The following SEMA5A variants were observed in gnomAD, a reference collection of about 807,000 sequenced individuals.
SEMA5A encodes the protein semaphorin 5A.
A neutral mutation model predicts 135.5 loss-of-function variants in SEMA5A; 55 were observed. The observed-to-expected ratio is 0.41, with a 90% CI of 0.33 to 0.51. The LOEUF is 0.51. SEMA5A is among the 20% of genes least tolerant of loss of function. The probability of loss-of-function intolerance (pLI) is 0.37; values close to 1 mark genes in which losing one functional copy is unlikely to be tolerated. For synonymous variants in SEMA5A, 580 were observed against 546.5 expected, an observed-to-expected ratio of 1.06 and a Z score of -0.85; for missense variants, 1,290 against 1,419.9, an observed-to-expected ratio of 0.91 and a Z score of 1.47.
chr5:9,200,516 A>T (rs1207101008), intron 9 of SEMA5A, among the ~76,000 whole-genome samples: 2 of 152,220 alleles, frequency 1.3e-5, no homozygotes, highest in Non-Finnish European at 2.9e-5. Flanking sequence ...AAGAAAATCA[A>T]CTTCAGAAAC....
intron 1 of SEMA5A, among the ~76,000 whole-genome samples, chr5:9,528,909 C>A (rs866273430): frequency 1.3e-5 from 2 of 151,990 alleles, no homozygotes; most frequent in Middle Eastern, 6.8e-3. Context: ...CACCTGGGAG[C>A]CACGAGTCTC....
At chr5:9,147,510 T>C (rs1056526649) in intron 12 of SEMA5A, among the ~76,000 whole-genome samples, 1 of 152,148 alleles carries the variant, frequency 6.6e-6, no homozygotes. Flanking sequence ...GACCTCTTGA[T>C]CCACCCGGGT....
intron 20 of SEMA5A, 127 bp downstream of exon 20, chr5:9,051,745 AC>A: frequency 8.7e-7 from 1 of 1,149,474 alleles, no homozygotes; most frequent in Non-Finnish European, 1.2e-6. Context: ...ACACCTTGAA[AC>A]CATGGGGCTT....
At chr5:9,402,463 G>C (rs1256698089) in intron 2 of SEMA5A, among the ~76,000 whole-genome samples, 2 of 152,052 alleles carry the variant, frequency 1.3e-5, no homozygotes, top group African/African-American at 2.4e-5. Flanking sequence ...ACTAATCTTC[G>C]GTAATTCTCT....
At chr5:9,177,443 G>A (rs750263000) in intron 11 of SEMA5A, among the ~76,000 whole-genome samples, 1 of 152,220 alleles carries the variant, frequency 6.6e-6, no homozygotes, top group African/African-American at 2.4e-5. Context: ...ATGAGGGCAG[G>A]TTGTGTTCCT....
At chr5:9,166,308 C>A (rs1743605072) in intron 11 of SEMA5A, among the ~76,000 whole-genome samples, 1 of 151,964 alleles carries the variant, frequency 6.6e-6, no homozygotes, top group Admixed American at 6.6e-5. Context: ...CTCTGGGGCA[C>A]AACAGCCCAG....
intron 2 of SEMA5A, among the ~76,000 whole-genome samples, chr5:9,391,265 A>T (rs934763174): frequency 6.6e-6 from 1 of 152,146 alleles, no homozygotes; most frequent in Non-Finnish European, 1.5e-5. Context: ...AATCCAGCAA[A>T]TGACGCAATG....
At chr5:9,184,347 A>T in intron 11 of SEMA5A, among the ~76,000 whole-genome samples, 1 of 151,980 alleles carries the variant, frequency 6.6e-6, no homozygotes, top group Non-Finnish European at 1.5e-5. Flanking sequence ...ATTCTGAATT[A>T]ATATTGCACA....
intron 2 of SEMA5A, among the ~76,000 whole-genome samples, chr5:9,432,202 G>T (rs1413794023): frequency 6.6e-6 from 1 of 152,182 alleles, no homozygotes; most frequent in Non-Finnish European, 1.5e-5. Flanking sequence ...TGGCCTCACA[G>T]AGATTTTCCA....
intron 3 of SEMA5A, among the ~76,000 whole-genome samples, chr5:9,377,107 GAA>G (rs57379643): frequency 5.6e-5 from 5 of 89,840 alleles, no homozygotes; most frequent in Admixed American, 2.5e-4. Flanking sequence ...TGTAGCTACC[GAA>G]AAAAAAAAAA....
intron 16 of SEMA5A, among the ~76,000 whole-genome samples, chr5:9,104,343 T>TA (rs1335678164): frequency 6.6e-6 from 1 of 152,212 alleles, no homozygotes; most frequent in Non-Finnish European, 1.5e-5. Context: ...TATGATGTAA[T>TA]ACAGGATTTC....
intron 12 of SEMA5A, among the ~76,000 whole-genome samples, chr5:9,153,543 A>G (rs1222483600): frequency 6.6e-6 from 1 of 151,358 alleles, no homozygotes; most frequent in East Asian, 2.0e-4. Context: ...CTCCCTCCCT[A>G]CCCTCTCTGC....
intron 10 of SEMA5A, among the ~76,000 whole-genome samples, chr5:9,192,862 T>C (rs1806124): frequency 0.069 from 10,560 of 152,036 alleles, 452 homozygotes; most frequent in East Asian, 0.17. Flanking sequence ...TTTGTAAGCA[T>C]AGTGTTTAAA....
rs115707192 is a variant in SEMA5A, at chr5:9,343,059, T to C, written c.125-5247A>G. On this transcript the variant is annotated intron_variant, in intron 3 of 22. Transcript: ENST00000382496. ...AAGCAAAATCACTACGCACTCAGTT[T>C]TCAACTATGGACTAGAGAAAAATGA... Among the ~76,000 whole-genome samples the C allele has an allele frequency of 3.8e-3, 574 of 152,340 alleles. 7 individuals carry two copies. The highest frequency in any genetic ancestry group is 0.013 in the African/African-American group (546 of 41,584).
rs1435233096 is a variant in SEMA5A at position 9,039,925 on chromosome 5, T to C, written c.*2972A>G. Reference sequence around the variant, plus strand: ...AAAATCAATAGTAGATGGTGATGAGTCTGGCCTCAAGAAAGGACCCTGAAT... The same window carrying C: ...AAAATCAATAGTAGATGGTGATGAGCCTGGCCTCAAGAAAGGACCCTGAAT... On this transcript the variant is annotated 3_prime_UTR_variant, in exon 23 of 23. Coordinates refer to ENST00000382496, the MANE Select transcript of SEMA5A (RefSeq NM_003966.3). 6.6e-6 allele frequency: 1 copy of C among 152,210 alleles called. No homozygotes were observed. Among genetic ancestry groups the C allele is most frequent in the Non-Finnish European group, 1.5e-5 (1 of 68,058 alleles). The allele number at this position is 152,210 out of a possible 1,614,324, so 9.4% of individuals were successfully genotyped here.
intron 18 of SEMA5A, among the ~76,000 whole-genome samples, 172 bp from the exon 19 acceptor site, chr5:9,054,429 T>A (rs1207599774): frequency 6.6e-6 from 1 of 152,046 alleles, no homozygotes; most frequent in African/African-American, 2.4e-5. Flanking sequence ...TTCTGACCCC[T>A]CGCAGGGCTG....
chr5:9,487,440 G>A (rs536540144), intron 1 of SEMA5A, among the ~76,000 whole-genome samples: 15 of 152,248 alleles, frequency 9.9e-5, no homozygotes, highest in African/African-American at 3.4e-4. Context: ...CATGGGAATC[G>A]GCTCCAGAGA....
chr5:9,389,113 T>C (rs1756034274), intron 2 of SEMA5A, among the ~76,000 whole-genome samples: 1 of 152,164 alleles, frequency 6.6e-6, no homozygotes, highest in South Asian at 2.1e-4. Flanking sequence ...GATATCTCCA[T>C]GGCCTTTGTG....
intron 11 of SEMA5A, among the ~76,000 whole-genome samples, chr5:9,183,047 T>C (rs1744609506): frequency 6.6e-6 from 1 of 152,144 alleles, no homozygotes; most frequent in Admixed American, 6.5e-5. Flanking sequence ...TTGGATCTCT[T>C]ACTGTGGTTG....
Sources: gnomAD v4.1 joint callset for allele counts (sites outside exome capture counted in the v4.1 genomes callset) on GRCh38, gnomAD v4.1.1 for gene constraint, MANE v1.5 for transcripts, NCBI Gene and HGNC (gene_info 2026-07-23, HGNC 2026-07-21) for gene names.